Variants in CSMD1 observed in about 807,000 individuals in gnomAD.
CSMD1 encodes the protein CUB and sushi domain-containing protein 1.
Under a neutral mutation model 417.5 loss-of-function variants are expected in CSMD1, and 213 were observed. The ratio of observed to expected loss-of-function variants is 0.51; its 90% CI spans 0.46 to 0.57. The LOEUF (loss-of-function observed/expected upper bound fraction) is 0.57, where lower values mean the gene tolerates loss of function less well. Ranked by LOEUF, CSMD1 falls within the 20% of genes least tolerant of loss-of-function variation. The probability of loss-of-function intolerance (pLI) is 0.00; values close to 1 mark genes in which losing one functional copy is unlikely to be tolerated. For synonymous variants in CSMD1, 2,862 were observed against 1,736.8 expected (o/e 1.65, Z -16.11); for missense variants, 6,923 against 4,529.7 (o/e 1.53, Z -15.17).
chr8:4,530,192 C>T (rs1796731976), intron 2 of CSMD1, among the ~76,000 whole-genome samples: 1 of 151,940 alleles, frequency 6.6e-6, no homozygotes, highest in African/African-American at 2.4e-5. Flanking sequence ...GGATTACAGG[C>T]ACGAGCCACC....
intron 3 of CSMD1, among the ~76,000 whole-genome samples, chr8:4,399,276 G>T (rs17070126): frequency 6.6e-6 from 1 of 152,066 alleles, no homozygotes; most frequent in Non-Finnish European, 1.5e-5. Flanking sequence ...AGCAACAAAG[G>T]ACCATCATTA....
intron 3 of CSMD1, among the ~76,000 whole-genome samples, chr8:4,122,040 AACT>A (rs1802514948): frequency 6.6e-6 from 1 of 152,028 alleles, no homozygotes; most frequent in Non-Finnish European, 1.5e-5. Context: ...TTTATTGTAT[AACT>A]ACATGTTCCT....
chr8:3,084,164 C>A (rs1397515659), intron 49 of CSMD1, among the ~76,000 whole-genome samples: 1 of 152,212 alleles, frequency 6.6e-6, no homozygotes, highest in Admixed American at 6.5e-5. Context: ...CCCACAAAGT[C>A]TCTTTCTGTC....
intron 7 of CSMD1, among the ~76,000 whole-genome samples, chr8:3,661,889 C>T (rs192363883): frequency 3.2e-4 from 49 of 152,112 alleles, no homozygotes; most frequent in African/African-American, 1.2e-3. Flanking sequence ...AGGATTTGTA[C>T]AGGAAGATGG....
intron 3 of CSMD1, among the ~76,000 whole-genome samples, chr8:4,083,726 G>A (rs1006378210): frequency 3.9e-5 from 6 of 152,140 alleles, no homozygotes; most frequent in East Asian, 3.9e-4. Context: ...TAGACCTAAA[G>A]CCATAAAAAC....
At chr8:4,320,562 T>C (rs984520362) in intron 3 of CSMD1, among the ~76,000 whole-genome samples, 3 of 151,870 alleles carry the variant, frequency 2.0e-5, no homozygotes, top group East Asian at 1.9e-4. Flanking sequence ...CCTGTGTCCA[T>C]GTGTTCTCTT....
chr8:3,623,912 GTTTGCAGTAAGC>G (rs1421256116), intron 7 of CSMD1, among the ~76,000 whole-genome samples: 2 of 151,998 alleles, frequency 1.3e-5, no homozygotes, highest in African/African-American at 2.4e-5. Context: ...GGGAGGCGGA[GTTTGCAGTAAGC>G]TGAGATTGCA....
At chr8:4,567,842 A>T (rs1798688474) in intron 2 of CSMD1, among the ~76,000 whole-genome samples, 1 of 152,208 alleles carries the variant, frequency 6.6e-6, no homozygotes, top group Non-Finnish European at 1.5e-5. Flanking sequence ...TTTCTTATTA[A>T]TTCAGACTCT....
At chr8:3,775,225 C>G (rs1798834698) in intron 5 of CSMD1, among the ~76,000 whole-genome samples, 1 of 152,036 alleles carries the variant, frequency 6.6e-6, no homozygotes, top group Admixed American at 6.6e-5. Context: ...TAAAACTTTG[C>G]AAAACAAGTT....
chr8:4,681,765 G>C (rs1260266369), intron 1 of CSMD1, among the ~76,000 whole-genome samples: 6 of 152,064 alleles, frequency 3.9e-5, no homozygotes, highest in Non-Finnish European at 7.4e-5. Context: ...CCTCTGAAAA[G>C]ATAAAGAGGT....
chr8:4,733,764 A>T (rs569631266), intron 1 of CSMD1, among the ~76,000 whole-genome samples: 2 of 152,350 alleles, frequency 1.3e-5, no homozygotes, highest in Non-Finnish European at 2.9e-5. Context: ...ACAAAGAAAC[A>T]AACTTAACAA....
At chr8:3,610,479 A>AGCTATGATCGTACTACTGTG (rs1801837613) in intron 8 of CSMD1, among the ~76,000 whole-genome samples, 1 of 23,268 alleles carries the variant, frequency 4.3e-5, no homozygotes, top group Non-Finnish European at 1.5e-4. Flanking sequence ...AGATTACAGT[A>AGCTATGATCGTACTACTGTG]CTCCAGGCTG....
At chr8:4,782,031 A>T (rs1168499629) in intron 1 of CSMD1, among the ~76,000 whole-genome samples, 1 of 152,218 alleles carries the variant, frequency 6.6e-6, no homozygotes, top group African/African-American at 2.4e-5. Flanking sequence ...TTCTCAGTCC[A>T]AAATTATAGC....
rs756782586 is a variant in CSMD1, at chr8:3,189,007, G to A, written c.5403C>T (p.Pro1801=). 1.2e-6 allele frequency: 2 copies of A among 1,612,406 alleles called. No homozygotes were observed. The highest frequency in any genetic ancestry group is 2.2e-5 in the East Asian group (1 of 44,824). The change falls in exon 35 of 70, where the codon CCC becomes CCT. Residue 1801 remains proline, a synonymous_variant. Transcript: ENST00000635120. ...WNDTIPSCVV[P]CSGNFTQRRG... The stretch of plus-strand genomic sequence containing the variant: ...TTCGTTGAGTGAAATTGCCACTGCA[G>A]GGTACTAAAAGACACAACCATATGT...
At chr8:3,362,657 C>T (rs1219057395) in intron 20 of CSMD1, among the ~76,000 whole-genome samples, 1 of 152,160 alleles carries the variant, frequency 6.6e-6, no homozygotes, top group African/African-American at 2.4e-5. Context: ...TTGAATACAT[C>T]CCTCAATATC....
intron 6 of CSMD1, among the ~76,000 whole-genome samples, chr8:3,731,492 G>A (rs1012391158): frequency 1.3e-5 from 2 of 152,192 alleles, no homozygotes; most frequent in Non-Finnish European, 2.9e-5. Context: ...CCCAGCCACT[G>A]TTGGACAATT....
chr8:4,143,605 C>A (rs956694714), intron 3 of CSMD1, among the ~76,000 whole-genome samples: 8 of 150,928 alleles, frequency 5.3e-5, no homozygotes, highest in African/African-American at 2.0e-4. Context: ...GTTGTGATGC[C>A]CATGGCACTC....
At chr8:3,850,055 C>A (rs531874110) in intron 5 of CSMD1, among the ~76,000 whole-genome samples, 6 of 152,166 alleles carry the variant, frequency 3.9e-5, no homozygotes, top group Non-Finnish European at 1.5e-5. Context: ...CTCAGCCTCT[C>A]AAAGTGTTGG....
At chr8:4,458,751 A>T (rs17336858) in intron 2 of CSMD1, among the ~76,000 whole-genome samples, 15,745 of 152,248 alleles carry the variant, frequency 0.1, 1,018 homozygotes, top group Admixed American at 0.16. Flanking sequence ...TTACTTACAA[A>T]AACATTTTAT....
Sources: gnomAD v4.1 joint callset for allele counts (sites outside exome capture counted in the v4.1 genomes callset) on GRCh38, gnomAD v4.1.1 for gene constraint, MANE v1.5 for transcripts, NCBI Gene and HGNC (gene_info 2026-07-23, HGNC 2026-07-21) for gene names.